XPO5: variants seen among roughly 807,000 people sequenced by gnomAD.
XPO5 encodes the protein exportin-5.
XPO5 carries 46 observed loss-of-function variants against 160.6 expected under a neutral mutation model. That is an observed-to-expected ratio of 0.29 (90% CI 0.23 to 0.37). The LOEUF (loss-of-function observed/expected upper bound fraction) is 0.37, where lower values mean the gene tolerates loss of function less well. Among genes scored for constraint, XPO5 ranks in the 10% least tolerant of loss-of-function variants. The pLI, the probability that XPO5 is intolerant of heterozygous loss-of-function variation, is 1.00. For synonymous variants in XPO5, 537 were observed against 519.3 expected (o/e 1.03, Z -0.46); for missense variants, 1,090 against 1,463.9 (o/e 0.74, Z 4.17).
At chr6:43,555,794 G>C (rs971576765) in intron 13 of XPO5, 42 bp downstream of exon 13, 12 of 1,612,004 alleles carry the variant, frequency 7.4e-6, no homozygotes, top group Non-Finnish European at 1.0e-5. Flanking sequence ...TTTTGATACT[G>C]TCCTAACATT....
intron 2 of XPO5, 25 bp downstream of exon 2, chr6:43,573,455 G>T: frequency 3.1e-6 from 5 of 1,611,854 alleles, no homozygotes; most frequent in Non-Finnish European, 3.4e-6. Context: ...TCAGACTTCA[G>T]TGGTAATGTC....
At chr6:43,572,715 T>A in intron 2 of XPO5, 137 bp from the exon 3 acceptor site, 1 of 948,928 alleles carries the variant, frequency 1.1e-6, no homozygotes, top group South Asian at 1.6e-5. Flanking sequence ...TACCTGTCAA[T>A]GAATGGGCAA....
At chr6:43,538,700 A>G (rs915406299) in intron 20 of XPO5, 1 of 444,720 alleles carries the variant, frequency 2.2e-6, no homozygotes, top group Non-Finnish European at 3.9e-6. Context: ...CCTCTTTGGT[A>G]CTGTTAATGT....
intron 20 of XPO5, chr6:43,539,368 C>T: frequency 3.2e-6 from 5 of 1,580,052 alleles, no homozygotes; most frequent in Non-Finnish European, 4.3e-6. Context: ...TCTGCTTCTG[C>T]ACTGGCATAA....
chr6:43,575,468 C>A (rs1187455169), intron 1 of XPO5, among the ~76,000 whole-genome samples: 1 of 152,062 alleles, frequency 6.6e-6, no homozygotes, highest in East Asian at 1.9e-4. Flanking sequence ...ATGTTGCGGA[C>A]AAGAGTGCAC....
At chr6:43,547,449 C>T in intron 19 of XPO5, 159 bp downstream of exon 19, 1 of 722,872 alleles carries the variant, frequency 1.4e-6, no homozygotes, top group East Asian at 2.7e-5. Flanking sequence ...CTCAAGAATT[C>T]AAGACTAAAG....
chr6:43,538,767 TTTTC>T (rs1467254017), intron 20 of XPO5: 10 of 649,718 alleles, frequency 1.5e-5, no homozygotes, highest in South Asian at 5.0e-5. Flanking sequence ...AGCACTACAT[TTTTC>T]TTTTTTTTTT....
At chr6:43,530,652 AC>A (rs1322404707) in intron 23 of XPO5, 35 bp downstream of exon 23, 2 of 1,602,194 alleles carry the variant, frequency 1.2e-6, no homozygotes, top group African/African-American at 2.7e-5. Context: ...TAATTTTCTG[AC>A]CTTTTGGGTT....
intron 6 of XPO5, among the ~76,000 whole-genome samples, chr6:43,568,460 G>A (rs1292469886): frequency 6.6e-6 from 1 of 152,088 alleles, no homozygotes; most frequent in East Asian, 1.9e-4. Flanking sequence ...GAAAGTATTA[G>A]CTGGGCATGG....
intron 20 of XPO5, among the ~76,000 whole-genome samples, chr6:43,535,782 C>CCA (rs1409889660): frequency 1.4e-5 from 2 of 145,474 alleles, no homozygotes; most frequent in Non-Finnish European, 3.0e-5. Flanking sequence ...CCACTGCACT[C>CCA]CAGCCTGTGT....
intron 20 of XPO5, among the ~76,000 whole-genome samples, chr6:43,543,454 A>AAAGT (rs140164237): frequency 2.6e-5 from 4 of 151,966 alleles, no homozygotes; most frequent in Non-Finnish European, 2.9e-5. Context: ...TCGTGCCTCA[A>AAAGT]AAGTAAGTAA....
Position 43,567,230 on chromosome 6 carries a change from A to C in XPO5, c.773T>G (p.Leu258Trp). 6.2e-7 allele frequency: 1 copy of C among 1,613,918 alleles called. No individual in the cohort carries two copies. The highest frequency in any genetic ancestry group is 8.5e-7 in the Non-Finnish European group (1 of 1,179,860). Reference sequence around the variant, plus strand: ...TCCCAACTGAAGTTCCTGTTCATTCAACAGCAAACACAGTATCTCCAGGAG... The same window carrying C: ...TCCCAACTGAAGTTCCTGTTCATTCCACAGCAAACACAGTATCTCCAGGAG... The part of the protein sequence containing the change: ...CKLLEILCLL[L>W]NEQELQLGAA... The change falls in exon 7 of 32, where the codon TTG becomes TGG. Residue 258 changes from leucine (L) to tryptophan (W), a missense_variant. Leu to Trp is a moderately conservative substitution (Grantham distance 61). Transcript: ENST00000265351.
chr6:43,574,081 T>C (rs1763160793), intron 1 of XPO5, among the ~76,000 whole-genome samples: 1 of 151,780 alleles, frequency 6.6e-6, no homozygotes, highest in Non-Finnish European at 1.5e-5. Context: ...CCACCTGCCT[T>C]GGCCTCCCAA....
intron 5 of XPO5, 64 bp from the exon 6 acceptor site, chr6:43,568,801 C>A: frequency 2.9e-6 from 4 of 1,392,688 alleles, no homozygotes; most frequent in South Asian, 2.9e-5. Flanking sequence ...AACTTTCTAC[C>A]CCCCACAAAT....
chr6:43,568,762 T>C, intron 5 of XPO5, 25 bp from the exon 6 acceptor site: 1 of 1,560,246 alleles, frequency 6.4e-7, no homozygotes, highest in African/African-American at 1.4e-5. Flanking sequence ...AAAGATCCAG[T>C]GTTTTTAATG....
Position 43,553,452 on chromosome 6 carries a change from G to C in XPO5, c.1493C>G (p.Pro498Arg). 6.3e-7 allele frequency: 1 copy of C among 1,588,770 alleles called. No individual in the cohort carries two copies. Among genetic ancestry groups the C allele is most frequent in the Non-Finnish European group, 8.6e-7 (1 of 1,167,204 alleles). ...GEGSLCSVFS[P>R]SFVQWEAMTL... ...CATGGCTTCCCACTGCACGAATGAA[G>C]GTGAGAAGACGGAACAGAGGCTTCC... is the stretch of plus-strand genomic sequence containing the variant. The change falls in exon 14 of 32, where the codon CCT becomes CGT. Residue 498 changes from proline to arginine, a missense_variant. Physicochemically the swap from Pro to Arg is moderately radical, Grantham distance 103. Transcript: ENST00000265351.
At chr6:43,549,429 C>T in intron 17 of XPO5, 60 bp downstream of exon 17, 1 of 1,499,830 alleles carries the variant, frequency 6.7e-7, no homozygotes, top group Non-Finnish European at 9.0e-7. Context: ...ACACTGAAAG[C>T]TGGATTTACA....
At chr6:43,568,613 C>T (rs1762826875) in intron 6 of XPO5, 98 bp downstream of exon 6, 5 of 1,128,084 alleles carry the variant, frequency 4.4e-6, no homozygotes, top group Admixed American at 2.7e-5. Flanking sequence ...CAAAACAATA[C>T]AACACAAGCA....
chr6:43,542,328 A>C (rs1794737365), intron 20 of XPO5, among the ~76,000 whole-genome samples: 1 of 152,114 alleles, frequency 6.6e-6, no homozygotes, highest in Non-Finnish European at 1.5e-5. Context: ...TTATCAGATT[A>C]TTTGACGCAG....
Sources: allele counts gnomAD v4.1 joint callset (sites outside exome capture counted in the v4.1 genomes callset), GRCh38; gene constraint gnomAD v4.1.1; transcripts MANE v1.5; gene names NCBI Gene and HGNC (gene_info 2026-07-23, HGNC 2026-07-21).